YBX3: variants seen among roughly 807,000 people sequenced by gnomAD.
YBX3 encodes Y-box binding protein 3, also known as Y-box-binding protein 3.
A neutral mutation model predicts 42.4 loss-of-function variants in YBX3; 29 were observed. That is an observed-to-expected ratio of 0.68 (90% confidence interval 0.51 to 0.93). The LOEUF (loss-of-function observed/expected upper bound fraction) is 0.93. YBX3 is among the 40% of genes least tolerant of loss of function. The pLI, the probability that YBX3 is intolerant of heterozygous loss-of-function variation, is 0.00. For synonymous variants in YBX3, 195 were observed against 189.8 expected (o/e 1.03, Z -0.22); for missense variants, 517 against 527.5 (o/e 0.98, Z 0.19).
intron 3 of YBX3, 45 bp from the exon 4 acceptor site, chr12:10,715,828 T>G: frequency 6.6e-7 from 1 of 1,514,126 alleles, no homozygotes; most frequent in Non-Finnish European, 9.2e-7. Context: ...ATTTCAATAT[T>G]GGCCACAGAT....
chr12:10,709,836 G>C (rs1003626107), intron 6 of YBX3, 72 bp downstream of exon 6: 2 of 1,554,552 alleles, frequency 1.3e-6, no homozygotes, highest in African/African-American at 2.7e-5. Context: ...GTTGGAGGAG[G>C]AGGAGGAAGA....
At chr12:10,703,497 A>G (rs1591573030) in intron 7 of YBX3, 1 of 370,264 alleles carries the variant, frequency 2.7e-6, no homozygotes, top group South Asian at 2.1e-5. Flanking sequence ...CAGGTACCAC[A>G]CTAATTATCT....
chr12:10,700,098 G>C (rs1341623167), intron 9 of YBX3, among the ~76,000 whole-genome samples: 1 of 152,046 alleles, frequency 6.6e-6, no homozygotes, highest in African/African-American at 2.4e-5. Flanking sequence ...CGCCATAAAA[G>C]GGTATGGCCA....
intron 1 of YBX3, among the ~76,000 whole-genome samples, chr12:10,719,372 C>T (rs757550443): frequency 1.2e-4 from 18 of 152,122 alleles, no homozygotes; most frequent in Non-Finnish European, 2.1e-4. Context: ...TCAGGAAACT[C>T]GCAAGATAAG....
At chr12:10,715,816 A>G (rs373814292) in intron 3 of YBX3, 33 bp from the exon 4 acceptor site, 264 of 1,557,494 alleles carry the variant, frequency 1.7e-4, no homozygotes, top group Non-Finnish European at 2.1e-4. Context: ...TATTCGATGT[A>G]TATTTCAATA....
At chr12:10,709,019 CTTG>C (rs1186541565) in intron 6 of YBX3, among the ~76,000 whole-genome samples, 1 of 152,136 alleles carries the variant, frequency 6.6e-6, no homozygotes, top group African/African-American at 2.4e-5. Context: ...TGTAAGTCTA[CTTG>C]TTATTTTTAG....
At chr12:10,706,647 C>T (rs1041676384) in intron 6 of YBX3, among the ~76,000 whole-genome samples, 1 of 152,134 alleles carries the variant, frequency 6.6e-6, no homozygotes, top group African/African-American at 2.4e-5. Context: ...GAACTTGATC[C>T]TAGGACCCTA....
rs540584435 is a variant in YBX3, at chr12:10,720,314, C to G, written c.263-1171G>C. ...AGGGGTAGTTCTGAAGTTTGCTAGACTGATACACTTGGGAAAATACTTTAG... is the reference window on the plus strand; with the variant it reads ...AGGGGTAGTTCTGAAGTTTGCTAGAGTGATACACTTGGGAAAATACTTTAG... On this transcript the variant is annotated intron_variant, in intron 1 of 9. Transcript: ENST00000228251. Among the ~76,000 whole-genome samples the G allele has an allele frequency of 8.5e-5, 13 of 152,304 alleles. No homozygotes were observed. In the South Asian group the frequency reaches 2.7e-3, roughly 32 times the overall value.
At chr12:10,713,707 T>C (rs1049959507) in intron 4 of YBX3, among the ~76,000 whole-genome samples, 23 of 152,202 alleles carry the variant, frequency 1.5e-4, no homozygotes, top group African/African-American at 4.8e-4. Context: ...TCCTAGAATG[T>C]GTTGAAACCT....
intron 6 of YBX3, among the ~76,000 whole-genome samples, chr12:10,706,899 C>T (rs987265030): frequency 3.0e-4 from 45 of 152,164 alleles, no homozygotes; most frequent in Non-Finnish European, 3.7e-4. Context: ...TGCCTGTAGT[C>T]CCAGCTACTC....
Position 10,710,498 on chromosome 12 carries a change from A to G in YBX3, c.574-384T>C, listed in dbSNP as rs1591578154. ...CATCCACTGAGGCAATGTCAGGGAA[A>G]AGCCAAAAAAGAATACATTTTATGA... On this transcript the variant is annotated intron_variant, in intron 5 of 9. Coordinates refer to ENST00000228251, the MANE Select transcript of YBX3 (RefSeq NM_003651.5). 2.5e-6 allele frequency: 3 copies of G among 1,189,416 alleles called. No individual in the cohort carries two copies. In the South Asian group the frequency reaches 4.8e-5, roughly 19 times the overall value. The allele number at this position is 1,189,416 out of a possible 1,614,324, so 73.7% of individuals were successfully genotyped here.
At chr12:10,710,135 A>G in intron 5 of YBX3, 21 bp from the exon 6 acceptor site, 1 of 1,608,140 alleles carries the variant, frequency 6.2e-7, no homozygotes, top group South Asian at 1.1e-5. Flanking sequence ...AAAGAAACAG[A>G]GATTCAGAAG....
chr12:10,717,822 G>T (rs949356763), intron 3 of YBX3: 1 of 297,182 alleles, frequency 3.4e-6, no homozygotes, highest in East Asian at 5.6e-5. Flanking sequence ...AGGACTCAAA[G>T]GCTTTAAAAA....
chr12:10,718,179 A>C, intron 2 of YBX3, 58 bp from the exon 3 acceptor site: 1 of 1,521,470 alleles, frequency 6.6e-7, no homozygotes, highest in Non-Finnish European at 9.0e-7. Context: ...AAAACTTAAA[A>C]GAACCTATGT....
chr12:10,713,804 T>C lies in YBX3; in HGVS notation c.451-471A>G, dbSNP rs187153755. ...CCAGCACAAAGGTACTGAGTGAAAC[T>C]TCTCCTATTTTGGCAGCAACAAGAA... is the stretch of plus-strand genomic sequence containing the variant. On this transcript the variant is annotated intron_variant, in intron 4 of 9. Coordinates refer to ENST00000228251, the MANE Select transcript of YBX3 (RefSeq NM_003651.5). Among the ~76,000 whole-genome samples, 315 of 152,356 alleles carry C rather than the reference T, an allele frequency of 2.1e-3. 1 individual carries two copies. The highest frequency in any genetic ancestry group is 3.0e-3 in the Non-Finnish European group (207 of 68,038).
At chr12:10,710,746 T>C in intron 5 of YBX3, 1 of 453,204 alleles carries the variant, frequency 2.2e-6, no homozygotes, top group South Asian at 1.6e-5. Context: ...CAGAAACAGA[T>C]GTGAGAATCC....
intron 7 of YBX3, chr12:10,703,305 G>C (rs1318797073): frequency 6.5e-6 from 1 of 153,268 alleles, no homozygotes; most frequent in Non-Finnish European, 1.5e-5. Context: ...TTACCACAAA[G>C]GGTAAGATAA....
At chr12:10,713,687 A>C (rs1039028860) in intron 4 of YBX3, among the ~76,000 whole-genome samples, 1 of 152,228 alleles carries the variant, frequency 6.6e-6, no homozygotes, top group East Asian at 1.9e-4. Context: ...GACTTGAGAT[A>C]CTGTTATTTT....
In YBX3 at chr12:10,722,956, G is replaced by A; in HGVS notation, c.156C>T (p.Val52=). Residue 52 remains valine, a synonymous_variant, in exon 1 of 10, where the codon GTC becomes GTT. Transcript: ENST00000228251. The part of the protein sequence containing the change: ...QAAAPAPAAH[V]AGNPGGDAAP... Reference sequence around the variant, plus strand: ...CCGCGTCCCCACCGGGGTTTCCTGCGACGTGGGCGGCGGGCGCCGGGGCCG... The same window carrying A: ...CCGCGTCCCCACCGGGGTTTCCTGCAACGTGGGCGGCGGGCGCCGGGGCCG... The A allele has an allele frequency of 8.0e-7, 1 of 1,257,356 alleles. No homozygotes were observed. The highest frequency in any genetic ancestry group is 9.9e-7 in the Non-Finnish European group (1 of 1,006,616). The allele number at this position is 1,257,356 out of a possible 1,614,324, so 77.9% of individuals were successfully genotyped here. A position where few individuals can be genotyped will look rare whatever the true frequency, so the allele number is the denominator to read the frequency against.
Sources: gnomAD v4.1 joint callset for allele counts (sites outside exome capture counted in the v4.1 genomes callset) on GRCh38, gnomAD v4.1.1 for gene constraint, MANE v1.5 for transcripts, NCBI Gene and HGNC (gene_info 2026-07-23, HGNC 2026-07-21) for gene names.